The following UGGT2 variants were observed in gnomAD, a reference collection of about 807,000 sequenced individuals.
UGGT2 encodes the protein UDP-glucose:glycoprotein glucosyltransferase 2.
A neutral mutation model predicts 192.1 loss-of-function variants in UGGT2; 180 were observed. The observed-to-expected ratio is 0.94, with a 90% CI of 0.83 to 1.06. The LOEUF is 1.06. Ranked by LOEUF, UGGT2 falls within the 50% of genes least tolerant of loss-of-function variation. UGGT2 has a pLI of 0.00. For synonymous variants in UGGT2, 580 were observed against 591.0 expected (o/e 0.98, Z 0.27); for missense variants, 1,849 against 1,795.7 (o/e 1.03, Z -0.54).
chr13:96,037,801 C>T (rs149836155), intron 1 of UGGT2, among the ~76,000 whole-genome samples: 164 of 152,310 alleles, frequency 1.1e-3, no homozygotes, highest in African/African-American at 3.8e-3. Flanking sequence ...CTCTTCTCAA[C>T]CTCTTTGCTT....
At chr13:95,989,905 T>C (rs2051404377) in intron 8 of UGGT2, 68 bp downstream of exon 8, 2 of 989,508 alleles carry the variant, frequency 2.0e-6, no homozygotes, top group Admixed American at 2.4e-5. Flanking sequence ...ATGTGATATA[T>C]AAAAGCTTAT....
rs2047385735 is a variant in UGGT2, at chr13:95,877,857, CT to C, written c.3229-2del. On this transcript the variant is annotated splice_acceptor_variant, in intron 27 of 38. Coordinates refer to ENST00000376747, the MANE Select transcript of UGGT2 (RefSeq NM_020121.4). LOFTEE classifies it high-confidence loss of function. ...ATTCTGCTGTAACAGTTTTCTCAGT[CT>C]GTGGAGGAAGTATGTCATTGTTTTT... The C allele has an allele frequency of 6.2e-7, 1 of 1,611,042 alleles. No homozygotes were observed. Among genetic ancestry groups the C allele is most frequent in the African/African-American group, 1.3e-5 (1 of 74,848 alleles).
rs972267394 is a variant in UGGT2, at chr13:95,928,850, G to A, written c.1978-1514C>T. On this transcript the variant is annotated intron_variant, in intron 17 of 38. Transcript: ENST00000376747. ...TTGGGAGGGCAAGGCAGGCGGCTGGGAGGTGGAGGTTGTAGTGAGCCGAGA... is the reference window on the plus strand; with the variant it reads ...TTGGGAGGGCAAGGCAGGCGGCTGGAAGGTGGAGGTTGTAGTGAGCCGAGA... Among the ~76,000 whole-genome samples the A allele has an allele frequency of 8.0e-4, 122 of 152,288 alleles. 1 individual carries two copies. The highest frequency in any genetic ancestry group is 2.0e-3 in the Admixed American group (30 of 15,292).
chr13:96,048,667 C>T (rs1223614842), intron 1 of UGGT2, among the ~76,000 whole-genome samples: 3 of 152,106 alleles, frequency 2.0e-5, no homozygotes. Context: ...ACTACCAATC[C>T]CACAGAAATC....
At chr13:95,896,295 A>C (rs963302682) in intron 22 of UGGT2, among the ~76,000 whole-genome samples, 1 of 152,092 alleles carries the variant, frequency 6.6e-6, no homozygotes, top group Non-Finnish European at 1.5e-5. Flanking sequence ...TTCTCATATC[A>C]AAGGTGACTA....
chr13:95,896,469 ACATT>A (rs1209856070), intron 22 of UGGT2, among the ~76,000 whole-genome samples: 1 of 152,162 alleles, frequency 6.6e-6, no homozygotes, highest in Non-Finnish European at 1.5e-5. Flanking sequence ...CTTTGAAAGC[ACATT>A]CAATGTTACA....
At chr13:95,820,963 G>T (rs1885450280) in intron 38 of UGGT2, among the ~76,000 whole-genome samples, 1 of 151,968 alleles carries the variant, frequency 6.6e-6, no homozygotes, top group South Asian at 2.1e-4. Flanking sequence ...TAGTCCAGGG[G>T]ATATATATAC....
chr13:96,048,306 A>G (rs2053379718), intron 1 of UGGT2, among the ~76,000 whole-genome samples: 1 of 152,208 alleles, frequency 6.6e-6, no homozygotes, highest in Non-Finnish European at 1.5e-5. Context: ...GACACAACAT[A>G]CCAGAATCTC....
At chr13:95,981,762 A>G (rs1349892428) in intron 10 of UGGT2, among the ~76,000 whole-genome samples, 4 of 152,336 alleles carry the variant, frequency 2.6e-5, no homozygotes, top group African/African-American at 7.2e-5. Flanking sequence ...ATCCGTGTGC[A>G]ATGCAATTGC....
intron 20 of UGGT2, among the ~76,000 whole-genome samples, chr13:95,908,429 C>A (rs1315419731): frequency 6.6e-6 from 1 of 152,130 alleles, no homozygotes; most frequent in African/African-American, 2.4e-5. Context: ...AGAAGAACAA[C>A]CCCAAGACAC....
chr13:95,907,794 G>C (rs2048339965), intron 20 of UGGT2, among the ~76,000 whole-genome samples: 1 of 152,192 alleles, frequency 6.6e-6, no homozygotes, highest in African/African-American at 2.4e-5. Context: ...TGGGGAGAAA[G>C]TACAACAGAA....
In UGGT2 at chr13:95,877,353, T is replaced by C. The variant is rs376216698; in HGVS notation, c.3399A>G (p.Gln1133=). ...TCCAAGCACCTGGGTTTGCTTTTAA[T>C]TGAAAATACCCCTTTTAAGATGAGA... ...TIVMAHHGYF[Q]LKANPGAWIL... The change falls in exon 29 of 39, where the codon CAA becomes CAG. Residue 1133 remains glutamine (Q), a synonymous_variant. Transcript: ENST00000376747. 3.7e-6 allele frequency: 6 copies of C among 1,605,920 alleles called. No individual in the cohort carries two copies. In the African/African-American group the frequency reaches 5.4e-5, roughly 14 times the overall value.
chr13:96,011,851 A>C (rs2052172284), intron 5 of UGGT2, among the ~76,000 whole-genome samples: 1 of 152,140 alleles, frequency 6.6e-6, no homozygotes, highest in Non-Finnish European at 1.5e-5. Flanking sequence ...TGTTCATAGA[A>C]GGCAAAGCTC....
In UGGT2 at chr13:95,972,625, A is replaced by T. The variant is rs1285822533; in HGVS notation, c.1139T>A (p.Phe380Tyr). 2 of 1,613,912 alleles carry T rather than the reference A, an allele frequency of 1.2e-6. No individual in the cohort carries two copies. The highest frequency in any genetic ancestry group is 4.5e-5 in the East Asian group (2 of 44,832). Residue 380 changes from phenylalanine (F) to tyrosine (Y), a missense_variant, in exon 11 of 39, where the codon TTT becomes TAT. Phe to Tyr is a conservative substitution (Grantham distance 22). Transcript: ENST00000376747. ...CATATCAACACGAAGGCCATTTATAAATAGACGAGCATCGCCTGGCTGAAT... is the reference window on the plus strand; with the variant it reads ...CATATCAACACGAAGGCCATTTATATATAGACGAGCATCGCCTGGCTGAAT... ...FKIQPGDARLFINGLRVDMDV... is the reference protein window; with the variant it reads ...FKIQPGDARLYINGLRVDMDV...
intron 28 of UGGT2, 112 bp downstream of exon 28, chr13:95,877,586 T>A (rs1891826776): frequency 1.6e-6 from 2 of 1,288,380 alleles, no homozygotes; most frequent in Non-Finnish European, 2.1e-6. Flanking sequence ...CAATTTTGTT[T>A]TCTGCAAACT....
intron 1 of UGGT2, among the ~76,000 whole-genome samples, chr13:96,035,126 A>T (rs1258467686): frequency 4.6e-5 from 7 of 152,250 alleles, no homozygotes; most frequent in African/African-American, 1.7e-4. Context: ...AAGCAAAAAG[A>T]ACAAAGCTGG....
At chr13:95,949,182 T>C (rs2049978736) in intron 13 of UGGT2, among the ~76,000 whole-genome samples, 153 bp downstream of exon 13, 1 of 152,182 alleles carries the variant, frequency 6.6e-6, no homozygotes, top group African/African-American at 2.4e-5. Flanking sequence ...TAGTTGTTGA[T>C]ACCCAGTCAG....
chr13:95,902,802 A>G, intron 21 of UGGT2, 52 bp downstream of exon 21: 1 of 1,522,788 alleles, frequency 6.6e-7, no homozygotes, highest in Non-Finnish European at 9.0e-7. Context: ...ATACACTCAC[A>G]CTTTTAAAAT....
intron 1 of UGGT2, among the ~76,000 whole-genome samples, chr13:96,034,096 A>AT (rs1160111362): frequency 5.3e-5 from 8 of 152,278 alleles, no homozygotes; most frequent in African/African-American, 4.8e-5. Context: ...TCTGAAGCCC[A>AT]TAAAAACCCC....
Sources: gnomAD v4.1 joint callset for allele counts (sites outside exome capture counted in the v4.1 genomes callset) on GRCh38, gnomAD v4.1.1 for gene constraint, MANE v1.5 for transcripts, NCBI Gene and HGNC (gene_info 2026-07-23, HGNC 2026-07-21) for gene names.